The following INTS12 variants were observed in gnomAD, a reference collection of about 807,000 sequenced individuals.
INTS12 encodes the protein PHD finger protein 22.
In INTS12, 13 loss-of-function variants were observed where a neutral mutation model predicts 41.6. The observed-to-expected ratio is 0.31, with a 90% confidence interval of 0.20 to 0.50. INTS12 has a LOEUF of 0.50. Among genes scored for constraint, INTS12 ranks in the 20% least tolerant of loss-of-function variants. The pLI is 0.98. For synonymous variants in INTS12, 199 were observed against 191.4 expected (o/e 1.04, Z -0.33); for missense variants, 432 against 541.6 (o/e 0.80, Z 2.01).
chr4:105,695,174 C>G (rs1731817581), intron 4 of INTS12, among the ~76,000 whole-genome samples: 1 of 152,082 alleles, frequency 6.6e-6, no homozygotes, highest in African/African-American at 2.4e-5. Flanking sequence ...AGCAGTCTAC[C>G]TGCCTCGGCC....
chr4:105,689,754 A>T (rs552398961), intron 6 of INTS12, among the ~76,000 whole-genome samples: 1 of 152,176 alleles, frequency 6.6e-6, no homozygotes, highest in South Asian at 2.1e-4. Flanking sequence ...AATAAAAAAA[A>T]AATTAGCTAG....
At chr4:105,692,825 A>G (rs1247540215) in intron 5 of INTS12, among the ~76,000 whole-genome samples, 1 of 152,246 alleles carries the variant, frequency 6.6e-6, no homozygotes, top group Non-Finnish European at 1.5e-5. Flanking sequence ...TTCTTCATTA[A>G]TATGAGTCAC....
chr4:105,701,296 T>G (rs1017455684), intron 2 of INTS12, among the ~76,000 whole-genome samples: 1 of 151,030 alleles, frequency 6.6e-6, no homozygotes, highest in African/African-American at 2.4e-5. Context: ...AACTACAAAA[T>G]TACTGTCGAA....
In INTS12 at chr4:105,708,622, G is replaced by T; in HGVS notation, c.-172+16C>A. ...CCTCCAGGAGGCCAGGAGCAGAGTC[G>T]CTCAGCATAACTCACCGTTCCGCCC... is the stretch of plus-strand genomic sequence containing the variant. On this transcript the variant is annotated intron_variant, in intron 1 of 7. Transcript: ENST00000340139. 2 of 984,618 alleles carry T rather than the reference G, an allele frequency of 2.0e-6. No homozygotes were observed. The highest frequency in any genetic ancestry group is 2.4e-6 in the Non-Finnish European group (2 of 829,578). 61.0% of individuals were successfully genotyped at this position (984,618 alleles called of 1,614,324 possible). A position where few individuals can be genotyped will look rare whatever the true frequency, so the allele number is the denominator to read the frequency against.
intron 6 of INTS12, among the ~76,000 whole-genome samples, chr4:105,688,538 T>C (rs1457259337): frequency 6.6e-6 from 1 of 152,244 alleles, no homozygotes; most frequent in African/African-American, 2.4e-5. Context: ...ATGTTCGAAG[T>C]AATTCACTGT....
At chr4:105,688,554 A>G (rs898481391) in intron 6 of INTS12, among the ~76,000 whole-genome samples, 5 of 152,358 alleles carry the variant, frequency 3.3e-5, no homozygotes, top group African/African-American at 9.6e-5. Flanking sequence ...ACTGTTGATT[A>G]CTTGATTACT....
intron 3 of INTS12, 64 bp downstream of exon 3, chr4:105,699,786 T>C: frequency 9.0e-7 from 1 of 1,110,282 alleles, no homozygotes; most frequent in Non-Finnish European, 1.2e-6. Flanking sequence ...ATGGTCTATA[T>C]GTTATCAATG....
intron 6 of INTS12, among the ~76,000 whole-genome samples, chr4:105,687,355 A>C (rs569018904): frequency 6.6e-5 from 10 of 152,332 alleles, no homozygotes; most frequent in African/African-American, 2.2e-4. Flanking sequence ...AGGTTTTTCC[A>C]CATTGCAAAA....
At chr4:105,697,416 G>C (rs925551875) in intron 3 of INTS12, among the ~76,000 whole-genome samples, 3 of 151,694 alleles carry the variant, frequency 2.0e-5, no homozygotes, top group Non-Finnish European at 4.4e-5. Flanking sequence ...TTACCTCTGA[G>C]GGGGGAAGAG....
In INTS12 at chr4:105,699,846, G is replaced by A; in HGVS notation, c.156+4C>T. 2 of 1,504,338 alleles carry A rather than the reference G, an allele frequency of 1.3e-6. No individual in the cohort carries two copies. The highest frequency in any genetic ancestry group is 2.7e-5 in the South Asian group (2 of 73,390). The allele number at this position is 1,504,338 out of a possible 1,614,324, so 93.2% of individuals were successfully genotyped here. A position where few individuals can be genotyped will look rare whatever the true frequency, so the allele number is the denominator to read the frequency against. On this transcript the variant is annotated splice_donor_region_variant and intron_variant, in intron 3 of 7. Coordinates refer to ENST00000340139, the MANE Select transcript of INTS12 (RefSeq NM_020395.4). ...CTCTCCAAGCTTTTTATTCATTCAA[G>A]TACCTTTTGAGATGGACGGTAACTG...
intron 7 of INTS12, among the ~76,000 whole-genome samples, chr4:105,684,106 G>C (rs966864608): frequency 6.6e-6 from 1 of 152,016 alleles, no homozygotes; most frequent in African/African-American, 2.4e-5. Flanking sequence ...CTCATTCTCT[G>C]ATATATTTCA....
chr4:105,695,087 C>A (rs1731815079), intron 4 of INTS12, among the ~76,000 whole-genome samples: 1 of 143,992 alleles, frequency 6.9e-6, no homozygotes, highest in Admixed American at 7.1e-5. Context: ...TGCCACCACA[C>A]CCAGATGATT....
At chr4:105,684,829 T>C (rs2149176600) in intron 7 of INTS12, among the ~76,000 whole-genome samples, 1 of 152,258 alleles carries the variant, frequency 6.6e-6, no homozygotes, top group Non-Finnish European at 1.5e-5. Flanking sequence ...TATGGTTAAA[T>C]GATCTTTCAA....
intron 4 of INTS12, among the ~76,000 whole-genome samples, chr4:105,694,769 A>AT (rs1440578791): frequency 6.6e-6 from 1 of 152,158 alleles, no homozygotes; most frequent in Admixed American, 6.5e-5. Context: ...TTTCAAATGT[A>AT]TTTTTTTCTA....
rs898292439 is a variant in INTS12, at chr4:105,695,765, C to T, written c.157-97G>A. 6 of 950,158 alleles carry T rather than the reference C, an allele frequency of 6.3e-6. No homozygotes were observed. In the African/African-American group the frequency reaches 8.4e-5, roughly 13 times the overall value. The allele number at this position is 950,158 out of a possible 1,614,324, so 58.9% of individuals were successfully genotyped here. ...AACAATTTTCAGTTAAAAATTAAGA[C>T]ATTTCATTATAACCAATGTAATATT... On this transcript the variant is annotated intron_variant, in intron 3 of 7. Coordinates refer to ENST00000340139, the MANE Select transcript of INTS12 (RefSeq NM_020395.4).
chr4:105,706,083 A>G (rs1195204954), intron 1 of INTS12: 1 of 151,374 alleles, frequency 6.6e-6, no homozygotes, highest in Non-Finnish European at 1.5e-5. Flanking sequence ...ATCTCTGACT[A>G]CTCTTTCTTT....
intron 7 of INTS12, among the ~76,000 whole-genome samples, chr4:105,685,968 G>A (rs924505702): frequency 6.6e-6 from 1 of 151,868 alleles, no homozygotes; most frequent in Admixed American, 6.6e-5. Flanking sequence ...CCAATAAGAA[G>A]GGAGAAAAAA....
chr4:105,700,085 GT>G, intron 2 of INTS12, 71 bp from the exon 3 acceptor site: 2 of 1,112,232 alleles, frequency 1.8e-6, no homozygotes, highest in Non-Finnish European at 2.5e-6. Flanking sequence ...TTACTTTTCT[GT>G]TTTTTAATTT....
At chr4:105,688,577 A>G (rs1307487647) in intron 6 of INTS12, among the ~76,000 whole-genome samples, 1 of 152,218 alleles carries the variant, frequency 6.6e-6, no homozygotes, top group African/African-American at 2.4e-5. Context: ...TACTAGCAGG[A>G]AAGCAGAGCC....
Sources: allele counts gnomAD v4.1 joint callset (sites outside exome capture counted in the v4.1 genomes callset), GRCh38; gene constraint gnomAD v4.1.1; transcripts MANE v1.5; gene names NCBI Gene and HGNC (gene_info 2026-07-23, HGNC 2026-07-21).